Variants in CC2D2A observed in about 807,000 individuals in gnomAD.
CC2D2A encodes the protein coiled-coil and C2 domain containing 2A.
CC2D2A carries 155 observed loss-of-function variants against 212.9 expected under a neutral mutation model. That is an observed-to-expected ratio of 0.73 (90% confidence interval 0.64 to 0.83). The LOEUF (loss-of-function observed/expected upper bound fraction) is 0.83. Ranked by LOEUF, CC2D2A falls within the 40% of genes least tolerant of loss-of-function variation. The pLI is 0.00. For missense variants in CC2D2A, 1,856 were observed against 1,956.2 expected (o/e 0.95, Z 0.97); for synonymous variants, 667 against 686.5 (o/e 0.97, Z 0.44).
Position 15,538,280 on chromosome 4 carries a change from A to G in CC2D2A, c.2003+143A>G, listed in dbSNP as rs1390441873. On this transcript the variant is annotated intron_variant, in intron 16 of 36. Transcript: ENST00000424120. The stretch of plus-strand genomic sequence containing the variant: ...CAGGAGTATCATTAACTCTAAATGA[A>G]TATTAGGTTGAACCACATGAAATTG... 35 of 938,358 alleles carry G rather than the reference A, an allele frequency of 3.7e-5. No individual in the cohort carries two copies. In the South Asian group the frequency reaches 5.1e-4, roughly 14 times the overall value. 58.1% of individuals were successfully genotyped at this position (938,358 alleles called of 1,614,324 possible).
chr4:15,516,457 T>TTCTAATG (rs1716878487), intron 10 of CC2D2A, among the ~76,000 whole-genome samples, 168 bp from the exon 11 acceptor site: 1 of 152,210 alleles, frequency 6.6e-6, no homozygotes, highest in African/African-American at 2.4e-5. Context: ...GAAGTGTTAG[T>TTCTAATG]GAAGACTTGA....
chr4:15,476,105 G>A (rs1399487963), intron 2 of CC2D2A, 134 bp downstream of exon 2: 1 of 734,412 alleles, frequency 1.4e-6, no homozygotes, highest in African/African-American at 1.8e-5. Flanking sequence ...ACATGAATTA[G>A]ATTCAACAGA....
At chr4:15,505,810 T>G (rs1462211056) in intron 6 of CC2D2A, among the ~76,000 whole-genome samples, 1 of 152,222 alleles carries the variant, frequency 6.6e-6, no homozygotes, top group African/African-American at 2.4e-5. Flanking sequence ...GAGAAGTTAT[T>G]TGCAAATCAT....
chr4:15,557,829 A>G (rs1719368751), intron 21 of CC2D2A, among the ~76,000 whole-genome samples: 1 of 152,254 alleles, frequency 6.6e-6, no homozygotes, highest in Non-Finnish European at 1.5e-5. Flanking sequence ...AATTATTAAC[A>G]TGGCTAATTA....
intron 22 of CC2D2A, 111 bp downstream of exon 22, chr4:15,559,368 G>C (rs1179916681): frequency 6.0e-6 from 4 of 662,038 alleles, no homozygotes; most frequent in Non-Finnish European, 7.8e-6. Context: ...AAGCCACTTA[G>C]CTTGCATAAA....
intron 18 of CC2D2A, 112 bp downstream of exon 18, chr4:15,551,092 A>C: frequency 2.0e-6 from 2 of 981,062 alleles, no homozygotes; most frequent in Non-Finnish European, 2.8e-6. Context: ...GATATCAAAA[A>C]TTCAAATTCA....
intron 9 of CC2D2A, 60 bp from the exon 10 acceptor site, chr4:15,515,808 G>T (rs1716834050): frequency 7.0e-7 from 1 of 1,430,196 alleles, no homozygotes; most frequent in Non-Finnish European, 9.4e-7. Context: ...TCACCAAACT[G>T]CAGTTTGAGA....
At chr4:15,506,038 G>A (rs977953762) in intron 6 of CC2D2A, among the ~76,000 whole-genome samples, 6 of 152,160 alleles carry the variant, frequency 3.9e-5, no homozygotes, top group African/African-American at 1.4e-4. Flanking sequence ...GAGCCTTCTT[G>A]GAGGATACAA....
chr4:15,572,508 T>A (rs1292499268), intron 28 of CC2D2A, among the ~76,000 whole-genome samples: 1 of 151,720 alleles, frequency 6.6e-6, no homozygotes, highest in African/African-American at 2.4e-5. Context: ...TCTAAAGACA[T>A]TTTTGGCTCT....
At chr4:15,567,327 T>C in intron 24 of CC2D2A, 50 bp from the exon 25 acceptor site, 1 of 1,337,086 alleles carries the variant, frequency 7.5e-7, no homozygotes, top group East Asian at 2.4e-5. Context: ...TCTCAATATA[T>C]AATTAGACTT....
At chr4:15,514,585 T>TA in intron 8 of CC2D2A, 122 bp from the exon 9 acceptor site, 2 of 806,960 alleles carry the variant, frequency 2.5e-6, no homozygotes, top group Non-Finnish European at 3.6e-6. Context: ...TTCACTTTTT[T>TA]AAAAAAAGGA....
At chr4:15,474,494 A>T (rs1407598343) in intron 1 of CC2D2A, among the ~76,000 whole-genome samples, 1 of 152,196 alleles carries the variant, frequency 6.6e-6, no homozygotes, top group Non-Finnish European at 1.5e-5. Flanking sequence ...CAAAAAAAAA[A>T]TAGAAAGAAT....
chr4:15,588,201 G>A (rs769606182), intron 32 of CC2D2A, among the ~76,000 whole-genome samples: 5 of 152,114 alleles, frequency 3.3e-5, no homozygotes, highest in Non-Finnish European at 7.4e-5. Flanking sequence ...TGTCCTTTTA[G>A]TATGGGCCTC....
In CC2D2A at chr4:15,515,582, CT is replaced by C. The variant is rs1412639930; in HGVS notation, c.881-284del. On this transcript the variant is annotated intron_variant, in intron 9 of 36. Coordinates refer to ENST00000424120, the MANE Select transcript of CC2D2A (RefSeq NM_001378615.1). ...CAGCTGAAGAGTAATAGAACTAAAA[CT>C]TGTCTCTCATCCTATGATTTGAATA... Among the ~76,000 whole-genome samples, 62 of 152,298 alleles carry C rather than the reference CT, an allele frequency of 4.1e-4. 1 individual carries two copies. The highest frequency in any genetic ancestry group is 1.4e-3 in the African/African-American group (58 of 41,566).
chr4:15,529,999 T>G (rs1282428982), intron 13 of CC2D2A, among the ~76,000 whole-genome samples: 1 of 131,904 alleles, frequency 7.6e-6, no homozygotes, highest in Non-Finnish European at 1.8e-5. Context: ...TGAGACGGAG[T>G]CTCACTCTGT....
intron 27 of CC2D2A, 41 bp downstream of exon 27, chr4:15,569,430 C>A: frequency 1.8e-6 from 2 of 1,136,998 alleles, no homozygotes; most frequent in Non-Finnish European, 2.6e-6. Flanking sequence ...TATTCACTTT[C>A]ATATCCTCTA....
intron 13 of CC2D2A, among the ~76,000 whole-genome samples, chr4:15,530,138 AT>A (rs1175650469): frequency 7.9e-5 from 12 of 151,778 alleles, no homozygotes; most frequent in Non-Finnish European, 1.8e-4. Flanking sequence ...CGCCAGGCTA[AT>A]TTTTTGTATT....
At chr4:15,588,016 A>G (rs1340543172) in intron 32 of CC2D2A, 87 bp downstream of exon 32, 3 of 691,776 alleles carry the variant, frequency 4.3e-6, no homozygotes, top group South Asian at 2.3e-5. Flanking sequence ...ACATATTTTC[A>G]TAACGATCCT....
intron 12 of CC2D2A, 59 bp downstream of exon 12, chr4:15,527,715 A>T: frequency 7.5e-7 from 1 of 1,338,192 alleles, no homozygotes; most frequent in Admixed American, 2.2e-5. Context: ...AATGAGCCCA[A>T]ACAATGAAAA....
Sources: allele counts gnomAD v4.1 joint callset (sites outside exome capture counted in the v4.1 genomes callset), GRCh38; gene constraint gnomAD v4.1.1; transcripts MANE v1.5; gene names NCBI Gene and HGNC (gene_info 2026-07-23, HGNC 2026-07-21).